The following SH3TC2 variants were observed in gnomAD, a reference collection of about 807,000 sequenced individuals.
SH3TC2 encodes SH3 domain and tetratricopeptide repeat-containing protein 2.
SH3TC2 carries 87 observed loss-of-function variants against 124.5 expected under a neutral mutation model. The ratio of observed to expected loss-of-function variants is 0.70; its 90% CI spans 0.59 to 0.84. The LOEUF (loss-of-function observed/expected upper bound fraction) is 0.84. SH3TC2 is among the 40% of genes least tolerant of loss of function. The pLI is 0.00. For missense variants in SH3TC2, 1,536 were observed against 1,566.4 expected (o/e 0.98, Z 0.33); for synonymous variants, 634 against 628.5 (o/e 1.01, Z -0.13).
At chr5:149,033,862 C>T (rs971210231) in intron 8 of SH3TC2, among the ~76,000 whole-genome samples, 3 of 152,130 alleles carry the variant, frequency 2.0e-5, no homozygotes, top group Non-Finnish European at 2.9e-5. Flanking sequence ...CCTAAGGTTC[C>T]AGGAGAAGCA....
Position 149,027,116 on chromosome 5 carries a change from C to T in SH3TC2, c.2616G>A (p.Val872=). ...TGGCCATAGCCACTGCCTGGTTATG[C>T]ACATCTCCCACCTCCTGGGCTCTGT... is the stretch of plus-strand genomic sequence containing the variant. ...ALNRAQEVGD[V]HNQAVAMANL... is the part of the protein sequence containing the mutation. The change falls in exon 11 of 17, where the codon GTG becomes GTA. Residue 872 remains valine (V), a synonymous_variant. Coordinates refer to ENST00000515425, the MANE Select transcript of SH3TC2 (RefSeq NM_024577.4). The T allele has an allele frequency of 6.2e-7, 1 of 1,614,156 alleles. No homozygotes were observed. Among genetic ancestry groups the T allele is most frequent in the Non-Finnish European group, 8.5e-7 (1 of 1,180,000 alleles).
chr5:149,056,758 T>G (rs1754655422), intron 1 of SH3TC2, among the ~76,000 whole-genome samples: 1 of 152,240 alleles, frequency 6.6e-6, no homozygotes, highest in African/African-American at 2.4e-5. Flanking sequence ...CAGCTAATAG[T>G]TACACATGGA....
intron 13 of SH3TC2, among the ~76,000 whole-genome samples, chr5:149,010,850 G>A (rs902712768): frequency 6.6e-6 from 1 of 152,178 alleles, no homozygotes; most frequent in Non-Finnish European, 1.5e-5. Flanking sequence ...AATTTAATAT[G>A]TAAATAACTG....
Position 149,047,882 on chromosome 5 carries a change from C to T in SH3TC2, c.259G>A (p.Glu87Lys). Reference protein sequence around the residue: ...RLWALENEDQEVRMLFKDLSA... With the variant: ...RLWALENEDQKVRMLFKDLSA... ...CTCACCTTAAACAGCATGCGCACCT[C>T]CTGGTCCTCATTCTCCAGTGCCCAG... The change falls in exon 3 of 17, where the codon GAG (glutamate) becomes AAG (lysine). Residue 87 changes from glutamate to lysine, a missense_variant. Physicochemically the swap from Glu to Lys is moderately conservative, Grantham distance 56. Coordinates refer to ENST00000515425, the MANE Select transcript of SH3TC2 (RefSeq NM_024577.4). 6.2e-7 allele frequency: 1 copy of T among 1,614,164 alleles called. No individual in the cohort carries two copies. The highest frequency in any genetic ancestry group is 1.1e-5 in the South Asian group (1 of 91,068).
At chr5:149,017,546 A>T (rs1447617479) in intron 12 of SH3TC2, among the ~76,000 whole-genome samples, 4 of 152,074 alleles carry the variant, frequency 2.6e-5, no homozygotes, top group Non-Finnish European at 5.9e-5. Context: ...ACCATAACCC[A>T]CTTCTAAACC....
At chr5:149,042,646 A>G in intron 5 of SH3TC2, 48 bp downstream of exon 5, 2 of 1,611,756 alleles carry the variant, frequency 1.2e-6, no homozygotes, top group South Asian at 1.1e-5. Context: ...GGCCTCTGGT[A>G]GCAAATATCT....
At chr5:149,038,200 C>A in intron 8 of SH3TC2, 95 bp downstream of exon 8, 1 of 1,197,290 alleles carries the variant, frequency 8.4e-7, no homozygotes, top group Admixed American at 1.8e-5. Context: ...GTCACCAGGG[C>A]ACCCTCGAAG....
Position 148,988,774 on chromosome 5 carries a change from AG to A in SH3TC2, c.*15936del, listed in dbSNP as rs1753376280. Among the ~76,000 whole-genome samples the A allele has an allele frequency of 6.6e-6, 1 of 152,230 alleles. No homozygotes were observed. The highest frequency in any genetic ancestry group is 1.5e-5 in the Non-Finnish European group (1 of 68,044). On this transcript the variant is annotated 3_prime_UTR_variant, in exon 17 of 17. Transcript: ENST00000515425. ...AGCCCAGTCAATCCATCAGACCAAC[AG>A]ATGATGATAAGCTGTTTTAAATCAG... is the stretch of plus-strand genomic sequence containing the variant.
At chr5:149,032,214 T>C (rs1296290730) in intron 8 of SH3TC2, among the ~76,000 whole-genome samples, 3 of 152,294 alleles carry the variant, frequency 2.0e-5, no homozygotes, top group East Asian at 3.9e-4. Flanking sequence ...TCTGATTCCA[T>C]GGCATAGAAC....
chr5:149,051,139 C>T (rs990629998), intron 2 of SH3TC2, among the ~76,000 whole-genome samples: 3 of 152,222 alleles, frequency 2.0e-5, no homozygotes, highest in Non-Finnish European at 4.4e-5. Flanking sequence ...TTACAGAGTT[C>T]TGCCCAGGTG....
chr5:149,056,794 A>G (rs1365708529), intron 1 of SH3TC2, among the ~76,000 whole-genome samples: 2 of 152,224 alleles, frequency 1.3e-5, no homozygotes, highest in Non-Finnish European at 2.9e-5. Context: ...ATTCTTTTAC[A>G]CATGGTGTTA....
In SH3TC2 at chr5:149,000,877, C is replaced by G. The variant is rs982632638; in HGVS notation, c.*3834G>C. ...TATAAAAATATATTATTTCATCTCT[C>G]CAATACTATTTCTCATCCTATTCAT... On this transcript the variant is annotated 3_prime_UTR_variant, in exon 17 of 17. Transcript: ENST00000515425. 6.6e-6 allele frequency among the ~76,000 whole-genome samples: 1 copy of G among 152,168 alleles called. No homozygotes were observed. The highest frequency in any genetic ancestry group is 6.5e-5 in the Admixed American group (1 of 15,280).
Position 149,000,088 on chromosome 5 carries a change from C to G in SH3TC2, c.*4623G>C, listed in dbSNP as rs1423425047. On this transcript the variant is annotated 3_prime_UTR_variant, in exon 17 of 17. Transcript: ENST00000515425. ...CCCTTCCTGATGCCCGTAACCCTGT[C>G]TGGGTAAAATCCCTTCCCCGCAGTG... is the stretch of plus-strand genomic sequence containing the variant. Among the ~76,000 whole-genome samples the G allele has an allele frequency of 6.6e-6, 1 of 152,204 alleles. No individual in the cohort carries two copies. Among genetic ancestry groups the G allele is most frequent in the Non-Finnish European group, 1.5e-5 (1 of 68,038 alleles).
At position 149,047,939 on chromosome 5, in the gene SH3TC2, C is replaced by T. The variant is rs1396868459; in HGVS notation, c.202G>A (p.Gly68Arg). 1.9e-6 allele frequency: 3 copies of T among 1,614,012 alleles called. No homozygotes were observed. The highest frequency in any genetic ancestry group is 1.3e-5 in the African/African-American group (1 of 74,902). ...CTCCGAGCAGCTTCCTGTAGGGGTC[C>T]ATTTACACACCTCCTGGAGCGGCTC... Reference protein sequence around the residue: ...VKSRSRRCVNGPLQEAARRRL... With the variant: ...VKSRSRRCVNRPLQEAARRRL... Residue 68 changes from glycine (G) to arginine (R), a missense_variant, in exon 3 of 17, where the codon GGA becomes AGA. This residue lies in a region of SH3TC2 where 1,102 missense variants were observed against 1,098.6 expected (regional missense o/e 1.00). Coordinates refer to ENST00000515425, the MANE Select transcript of SH3TC2 (RefSeq NM_024577.4).
chr5:149,014,351 T>C (rs946280947), intron 12 of SH3TC2, among the ~76,000 whole-genome samples: 3 of 152,202 alleles, frequency 2.0e-5, no homozygotes, highest in African/African-American at 7.2e-5. Context: ...ATGCAACTCT[T>C]CCCAGAAATA....
intron 12 of SH3TC2, among the ~76,000 whole-genome samples, chr5:149,017,247 T>C (rs546960673): frequency 3.3e-5 from 5 of 152,302 alleles, no homozygotes; most frequent in African/African-American, 9.6e-5. Flanking sequence ...ATTGATTTAA[T>C]AGATTTAATA....
chr5:149,028,335 T>C lies in SH3TC2; in HGVS notation c.1397A>G (p.Asn466Ser). 8 of 1,614,048 alleles carry C rather than the reference T, an allele frequency of 5.0e-6. No individual in the cohort carries two copies. Among genetic ancestry groups the C allele is most frequent in the Non-Finnish European group, 6.8e-6 (8 of 1,180,006 alleles). ...CAGAAAAGCCAATATGGGGGCGAAGTTCTCAGCCTCCTCCTCCTGACCAGT... is the reference window on the plus strand; with the variant it reads ...CAGAAAAGCCAATATGGGGGCGAAGCTCTCAGCCTCCTCCTCCTGACCAGT... Reference protein sequence around the residue: ...LSTGQEEEAENFAPILAFLDH... With the variant: ...LSTGQEEEAESFAPILAFLDH... Residue 466 changes from asparagine (N) to serine (S), a missense_variant, in exon 11 of 17, where the codon AAC (asparagine) becomes AGC (serine). By Grantham distance (46) the Asn-to-Ser change is conservative (BLOSUM62 1). This residue lies in a region of SH3TC2 where 1,102 missense variants were observed against 1,098.6 expected (regional missense o/e 1.00). Coordinates refer to ENST00000515425, the MANE Select transcript of SH3TC2 (RefSeq NM_024577.4).
chr5:149,003,262 T>A lies in SH3TC2; in HGVS notation c.*1449A>T, dbSNP rs567478380. ...TTATTATGAATTGAATAGGCAAGAC[T>A]AAGGAGATGTCACTTCTGTGATCAG... is the stretch of plus-strand genomic sequence containing the variant. On this transcript the variant is annotated 3_prime_UTR_variant, in exon 17 of 17. Transcript: ENST00000515425. 1 of 152,382 alleles carries A rather than the reference T, an allele frequency of 6.6e-6. No individual in the cohort carries two copies. Among genetic ancestry groups the A allele is most frequent in the African/African-American group, 2.4e-5 (1 of 41,474 alleles). 9.4% of individuals were successfully genotyped at this position (152,382 alleles called of 1,614,324 possible). A position where few individuals can be genotyped will look rare whatever the true frequency, so the allele number is the denominator to read the frequency against.
chr5:149,055,561 A>C (rs1166803275), intron 1 of SH3TC2, among the ~76,000 whole-genome samples: 1 of 152,168 alleles, frequency 6.6e-6, no homozygotes, highest in Admixed American at 6.5e-5. Context: ...CCTAGAATAT[A>C]CTGCAACTAG....
Sources: gnomAD v4.1 joint callset for allele counts (sites outside exome capture counted in the v4.1 genomes callset) on GRCh38, gnomAD v4.1.1 for gene constraint, gnomAD v4.1.1 regional missense constraint, MANE v1.5 for transcripts, NCBI Gene and HGNC (gene_info 2026-07-23, HGNC 2026-07-21) for gene names.